Variants in TEAD1 observed in about 807,000 individuals in gnomAD.
TEAD1 encodes transcriptional enhancer factor TEF-1.
A neutral mutation model predicts 54.9 loss-of-function variants in TEAD1; 9 were observed. The observed-to-expected ratio is 0.16, with a 90% CI of 0.10 to 0.29. The LOEUF (loss-of-function observed/expected upper bound fraction) is 0.29, where lower values mean the gene tolerates loss of function less well. Ranked by LOEUF, TEAD1 falls within the 10% of genes least tolerant of loss-of-function variation. TEAD1 has a pLI of 1.00. For synonymous variants in TEAD1, 200 were observed against 187.8 expected (o/e 1.07, Z -0.53); for missense variants, 387 against 535.9 (o/e 0.72, Z 2.74).
intron 3 of TEAD1, among the ~76,000 whole-genome samples, chr11:12,857,576 C>G (rs546512774): frequency 5.9e-5 from 4 of 67,928 alleles, no homozygotes; most frequent in East Asian, 7.4e-4. Flanking sequence ...CTCTCTCTGT[C>G]TCTGTGTGTG....
intron 9 of TEAD1, among the ~76,000 whole-genome samples, chr11:12,892,471 C>T (rs1455760209): frequency 2.0e-5 from 3 of 152,070 alleles, no homozygotes; most frequent in Non-Finnish European, 4.4e-5. Context: ...TGGTGAATCC[C>T]CCGCTTCTAC....
intron 2 of TEAD1, among the ~76,000 whole-genome samples, chr11:12,687,119 G>T (rs1157084852): frequency 6.6e-6 from 1 of 152,174 alleles, no homozygotes; most frequent in African/African-American, 2.4e-5. Context: ...GTGACCTTAG[G>T]TAAATCATTT....
chr11:12,896,471 C>A (rs1195719986), intron 9 of TEAD1, among the ~76,000 whole-genome samples: 1 of 152,186 alleles, frequency 6.6e-6, no homozygotes, highest in East Asian at 1.9e-4. Context: ...CCTTAAATAT[C>A]TGAAAGAGTA....
At chr11:12,827,001 A>G (rs1946670858) in intron 3 of TEAD1, among the ~76,000 whole-genome samples, 1 of 152,212 alleles carries the variant, frequency 6.6e-6, no homozygotes, top group Admixed American at 6.5e-5. Flanking sequence ...GCAATAGGGA[A>G]TTCCTCTCAA....
At chr11:12,741,684 G>A (rs143058830) in intron 2 of TEAD1, among the ~76,000 whole-genome samples, 108 of 152,202 alleles carry the variant, frequency 7.1e-4, no homozygotes, top group African/African-American at 2.3e-3. Context: ...TACCTTATTA[G>A]TTCTGTGTTG....
chr11:12,885,174 T>C (rs1183172035), intron 9 of TEAD1, among the ~76,000 whole-genome samples: 2 of 151,924 alleles, frequency 1.3e-5, no homozygotes, highest in African/African-American at 4.8e-5. Context: ...TTGTATTTCA[T>C]TGTATCCTTT....
intron 3 of TEAD1, among the ~76,000 whole-genome samples, chr11:12,815,164 G>C (rs1049424767): frequency 1.2e-4 from 19 of 152,086 alleles, no homozygotes; most frequent in Admixed American, 1.0e-3. Context: ...AATCTCAGAG[G>C]GGGTGAGTTT....
intron 2 of TEAD1, among the ~76,000 whole-genome samples, chr11:12,761,642 G>T (rs777847140): frequency 5.9e-5 from 9 of 152,180 alleles, no homozygotes; most frequent in Non-Finnish European, 1.3e-4. Flanking sequence ...ATTCATGAGG[G>T]TGGGCAGAGG....
chr11:12,852,897 A>G (rs1408667879), intron 3 of TEAD1, among the ~76,000 whole-genome samples: 3 of 152,226 alleles, frequency 2.0e-5, no homozygotes, highest in Admixed American at 1.3e-4. Context: ...GTAAAGAACT[A>G]TGAGACCAGG....
intron 2 of TEAD1, among the ~76,000 whole-genome samples, chr11:12,753,110 C>T (rs1425371146): frequency 1.3e-5 from 2 of 151,752 alleles, no homozygotes; most frequent in Non-Finnish European, 2.9e-5. Context: ...TCCCAAAGTG[C>T]TGGAATTACA....
At chr11:12,748,653 G>A (rs1363984874) in intron 2 of TEAD1, among the ~76,000 whole-genome samples, 1 of 152,132 alleles carries the variant, frequency 6.6e-6, no homozygotes, top group Non-Finnish European at 1.5e-5. Context: ...AGGATTTCTG[G>A]CATAAAGCTG....
chr11:12,856,846 G>A (rs1313250589), intron 3 of TEAD1, among the ~76,000 whole-genome samples: 1 of 152,126 alleles, frequency 6.6e-6, no homozygotes, highest in African/African-American at 2.4e-5. Flanking sequence ...GCCACGGCCA[G>A]GGAAGAGAAG....
At chr11:12,799,056 T>C (rs2133973060) in intron 3 of TEAD1, among the ~76,000 whole-genome samples, 1 of 152,362 alleles carries the variant, frequency 6.6e-6, no homozygotes, top group Admixed American at 6.5e-5. Context: ...GATGTCCTAC[T>C]GGGCTTTTCT....
At chr11:12,798,251 A>C (rs1307663692) in intron 3 of TEAD1, among the ~76,000 whole-genome samples, 1 of 151,942 alleles carries the variant, frequency 6.6e-6, no homozygotes, top group Non-Finnish European at 1.5e-5. Flanking sequence ...CTGTCTTTGG[A>C]GCTTCCAGTT....
chr11:12,757,888 G>T (rs4341518), intron 2 of TEAD1, among the ~76,000 whole-genome samples: 18,070 of 151,264 alleles, frequency 0.12, 3,644 homozygotes, highest in African/African-American at 0.42. Flanking sequence ...CAAGTGATTC[G>T]TCTGTCTCAG....
intron 4 of TEAD1, among the ~76,000 whole-genome samples, chr11:12,863,910 T>G (rs1372981685): frequency 6.6e-6 from 1 of 152,204 alleles, no homozygotes; most frequent in Admixed American, 6.5e-5. Flanking sequence ...CTCTCCAATG[T>G]GAATTTGTTG....
At position 12,698,512 on chromosome 11, in the gene TEAD1, GT is replaced by G. The variant is rs77396552; in HGVS notation, c.-55+22964del. 1.7e-3 allele frequency among the ~76,000 whole-genome samples: 241 copies of G among 144,554 alleles called. 2 individuals carry two copies. Among genetic ancestry groups the G allele is most frequent in the Middle Eastern group, 3.5e-3 (1 of 284 alleles). The allele number at this position is 144,554 out of a possible 152,430, so 94.8% of individuals were successfully genotyped here. On this transcript the variant is annotated intron_variant, in intron 2 of 12. Coordinates refer to ENST00000527636, the MANE Select transcript of TEAD1 (RefSeq NM_021961.6). ...TGAATATTTTTGTCACTTAAAGAGG[GT>G]TTTTTTTTTTTTAAATATTGATTCC...
intron 2 of TEAD1, among the ~76,000 whole-genome samples, chr11:12,715,823 A>G (rs1002478545): frequency 2.6e-5 from 4 of 151,918 alleles, no homozygotes; most frequent in South Asian, 4.2e-4. Flanking sequence ...TTTGAATGTC[A>G]TTTTTCTGAC....
chr11:12,893,859 G>A (rs2134116995), intron 9 of TEAD1, among the ~76,000 whole-genome samples: 1 of 152,356 alleles, frequency 6.6e-6, no homozygotes, highest in African/African-American at 2.4e-5. Context: ...GAGCTGAGGA[G>A]AGAACCCACT....
Sources: gnomAD v4.1 joint callset for allele counts (sites outside exome capture counted in the v4.1 genomes callset) on GRCh38, gnomAD v4.1.1 for gene constraint, MANE v1.5 for transcripts, NCBI Gene and HGNC (gene_info 2026-07-23, HGNC 2026-07-21) for gene names.